The following PCDH7 variants were observed in gnomAD, a reference collection of about 807,000 sequenced individuals.
PCDH7 encodes protocadherin-7.
A neutral mutation model predicts 58.9 loss-of-function variants in PCDH7; 17 were observed. The ratio of observed to expected loss-of-function variants is 0.29; its 90% confidence interval spans 0.20 to 0.43. PCDH7 has a LOEUF of 0.43. Ranked by LOEUF, PCDH7 falls within the 20% of genes least tolerant of loss-of-function variation. The pLI, the probability that PCDH7 is intolerant of heterozygous loss-of-function variation, is 1.00. For synonymous variants in PCDH7, 664 were observed against 616.4 expected (o/e 1.08, Z -1.14); for missense variants, 1,274 against 1,441.0 (o/e 0.88, Z 1.88).
intron 1 of PCDH7, among the ~76,000 whole-genome samples, chr4:30,912,919 C>T (rs1741977062): frequency 2.0e-5 from 3 of 152,148 alleles, no homozygotes; most frequent in Middle Eastern, 3.4e-3. Context: ...ATTTTTAATA[C>T]GTCCGATTGT....
chr4:30,946,380 A>G (rs555237249), intron 2 of PCDH7, among the ~76,000 whole-genome samples: 1 of 152,152 alleles, frequency 6.6e-6, no homozygotes, highest in African/African-American at 2.4e-5. Context: ...CCTATCAAGG[A>G]TGTGTTCTGT....
At chr4:30,929,535 G>C (rs535028907) in intron 2 of PCDH7, among the ~76,000 whole-genome samples, 45 of 152,076 alleles carry the variant, frequency 3.0e-4, no homozygotes, top group African/African-American at 1.0e-3. Context: ...CTCTGGAACA[G>C]AGTTTCAACT....
At chr4:30,815,931 T>C (rs1727618019) in intron 1 of PCDH7, among the ~76,000 whole-genome samples, 1 of 152,180 alleles carries the variant, frequency 6.6e-6, no homozygotes, top group Admixed American at 6.5e-5. Context: ...TCTGCCTAGC[T>C]ACCAACTCTA....
intron 3 of PCDH7, among the ~76,000 whole-genome samples, chr4:30,994,468 G>A (rs1560562868): frequency 6.6e-6 from 1 of 152,146 alleles, no homozygotes; most frequent in Admixed American, 6.5e-5. Context: ...ACAAAAATCA[G>A]AGTCCAAATA....
At chr4:30,789,509 A>G (rs1723837235) in intron 1 of PCDH7, among the ~76,000 whole-genome samples, 1 of 152,212 alleles carries the variant, frequency 6.6e-6, no homozygotes, top group African/African-American at 2.4e-5. Context: ...TGCCTCACAC[A>G]GAAAATAGTG....
chr4:31,124,190 G>A (rs953339875), intron 3 of PCDH7, among the ~76,000 whole-genome samples: 11 of 152,128 alleles, frequency 7.2e-5, no homozygotes, highest in Admixed American at 2.0e-4. Context: ...ACTCTTCTAC[G>A]CAGTATTTGC....
chr4:30,964,398 C>T (rs1231005873), intron 3 of PCDH7, among the ~76,000 whole-genome samples: 7 of 151,762 alleles, frequency 4.6e-5, no homozygotes, highest in African/African-American at 7.3e-5. Context: ...TCCGCCACCT[C>T]GCCCCACTAA....
intron 1 of PCDH7, among the ~76,000 whole-genome samples, chr4:30,914,962 T>C (rs536694746): frequency 6.6e-6 from 1 of 152,300 alleles, no homozygotes; most frequent in South Asian, 2.1e-4. Context: ...TACACACACA[T>C]ACCCCATTAA....
chr4:31,028,953 A>G (rs1325690983), intron 3 of PCDH7, among the ~76,000 whole-genome samples: 1 of 152,224 alleles, frequency 6.6e-6, no homozygotes, highest in Non-Finnish European at 1.5e-5. Flanking sequence ...TATTTTGATG[A>G]TTGACTATGC....
chr4:30,897,894 G>T (rs1409671042), intron 1 of PCDH7, among the ~76,000 whole-genome samples: 2 of 152,084 alleles, frequency 1.3e-5, no homozygotes, highest in African/African-American at 2.4e-5. Flanking sequence ...TGATTCTTTG[G>T]CAATAATGGA....
At chr4:30,806,630 C>T (rs1296790406) in intron 1 of PCDH7, among the ~76,000 whole-genome samples, 1 of 151,466 alleles carries the variant, frequency 6.6e-6, no homozygotes, top group African/African-American at 2.4e-5. Context: ...AAAGCCTTTG[C>T]ACTCGTTATT....
In PCDH7 at chr4:30,968,377, T is replaced by A. The variant is rs1225640569; in HGVS notation, c.*7+18162T>A. Among the ~76,000 whole-genome samples the A allele has an allele frequency of 4.9e-4, 4 of 8,218 alleles. No individual in the cohort carries two copies. In the South Asian group the frequency reaches 0.011, roughly 23 times the overall value. The allele number at this position is 8,218 out of a possible 152,430, so 5.4% of individuals were successfully genotyped here. A position where few individuals can be genotyped will look rare whatever the true frequency, so the allele number is the denominator to read the frequency against. On this transcript the variant is annotated intron_variant, in intron 3 of 3. Transcript: ENST00000509759. The stretch of plus-strand genomic sequence containing the variant: ...ACACACACTATATATATACACACAC[T>A]ATATATATATATATATATATATATA...
intron 1 of PCDH7, among the ~76,000 whole-genome samples, chr4:30,795,357 G>C (rs765498782): frequency 1.3e-5 from 2 of 152,040 alleles, no homozygotes; most frequent in Non-Finnish European, 2.9e-5. Flanking sequence ...AACATTTTAC[G>C]TATGACATAC....
At chr4:30,949,190 A>T (rs560839931) in intron 2 of PCDH7, among the ~76,000 whole-genome samples, 1 of 152,166 alleles carries the variant, frequency 6.6e-6, no homozygotes, top group Non-Finnish European at 1.5e-5. Context: ...CATAAAATAC[A>T]CATCTATTTT....
chr4:31,127,257 G>A (rs1424957139), intron 3 of PCDH7, among the ~76,000 whole-genome samples: 7 of 152,074 alleles, frequency 4.6e-5, no homozygotes, highest in East Asian at 3.8e-4. Context: ...TCTGACTCAC[G>A]CTTTTCTTAA....
At chr4:30,836,779 C>T (rs1043833971) in intron 1 of PCDH7, among the ~76,000 whole-genome samples, 7 of 152,106 alleles carry the variant, frequency 4.6e-5, no homozygotes, top group African/African-American at 9.7e-5. Flanking sequence ...ATTATAATAT[C>T]TGCAGATTTC....
In PCDH7 at chr4:30,721,706, A is replaced by G. The variant is rs960671656; in HGVS notation, c.284A>G (p.Lys95Arg). ...AGCGAGCGGCGCATCGACCGCGAGA[A>G]GCTGCCCCAGTGTCAGATGATCTTC... is the stretch of plus-strand genomic sequence containing the variant. Residue 95 changes from lysine (K) to arginine (R), a missense_variant, in exon 1 of 2, where the codon AAG becomes AGG. Physicochemically the swap from Lys to Arg is conservative, Grantham distance 26. This residue lies in a region of PCDH7 where 212 missense variants were observed against 255.8 expected (regional missense o/e 0.83). Transcript: ENST00000361762. The surrounding 1 kb of genome is among the most constrained non-coding windows in gnomAD (Gnocchi z 6.7). The G allele has an allele frequency of 1.9e-5, 30 of 1,613,778 alleles. No homozygotes were observed. Among genetic ancestry groups the G allele is most frequent in the Non-Finnish European group, 2.5e-5 (30 of 1,179,980 alleles).
At chr4:31,014,742 A>G (rs558948543) in intron 3 of PCDH7, among the ~76,000 whole-genome samples, 1 of 152,324 alleles carries the variant, frequency 6.6e-6, no homozygotes, top group African/African-American at 2.4e-5. Context: ...CTTAAATGAT[A>G]TCACAGAAAA....
chr4:30,769,000 GT>G (rs1467048898), intron 1 of PCDH7, among the ~76,000 whole-genome samples: 1 of 152,212 alleles, frequency 6.6e-6, no homozygotes, highest in African/African-American at 2.4e-5. Context: ...CAATGATTGT[GT>G]TTCCACTTCC....
Sources: gnomAD v4.1 joint callset for allele counts (sites outside exome capture counted in the v4.1 genomes callset) on GRCh38, gnomAD v4.1.1 for gene constraint, gnomAD v4.1.1 regional missense constraint, Gnocchi (gnomAD v3.1) non-coding constraint, MANE v1.5 for transcripts, NCBI Gene and HGNC (gene_info 2026-07-23, HGNC 2026-07-21) for gene names.